Variants in GRID1 observed in about 807,000 individuals in gnomAD.
The protein encoded by GRID1 is glutamate ionotropic receptor delta type subunit 1, also known as glutamate receptor ionotropic, delta-1.
In GRID1, 28 loss-of-function variants were observed where a neutral mutation model predicts 98.0. The ratio of observed to expected loss-of-function variants is 0.29; its 90% CI spans 0.21 to 0.39. The LOEUF is 0.39. GRID1 is among the 10% of genes least tolerant of loss of function. The probability of loss-of-function intolerance (pLI) is 1.00; values close to 1 mark genes in which losing one functional copy is unlikely to be tolerated. For missense variants in GRID1, 1,111 were observed against 1,340.5 expected, an observed-to-expected ratio of 0.83 and a Z score of 2.67; for synonymous variants, 553 against 538.5, an observed-to-expected ratio of 1.03 and a Z score of -0.37.
intron 4 of GRID1, among the ~76,000 whole-genome samples, chr10:86,028,690 G>A (rs765115788): frequency 6.6e-6 from 1 of 152,080 alleles, no homozygotes; most frequent in Non-Finnish European, 1.5e-5. Context: ...CAGTGCCCAG[G>A]GCACTGGAGT....
intron 4 of GRID1, among the ~76,000 whole-genome samples, chr10:85,922,036 G>C (rs1841712365): frequency 6.6e-6 from 1 of 152,172 alleles, no homozygotes; most frequent in African/African-American, 2.4e-5. Context: ...AGGTCCCTTA[G>C]CCAGTATTCA....
At chr10:85,994,377 A>G (rs1292169480) in intron 4 of GRID1, among the ~76,000 whole-genome samples, 1 of 152,220 alleles carries the variant, frequency 6.6e-6, no homozygotes, top group East Asian at 1.9e-4. Context: ...CATCAGGCCA[A>G]CTTGAGATTA....
In GRID1 at chr10:85,914,138, C is replaced by T. The variant is rs115485982; in HGVS notation, c.780+2048G>A. Among the ~76,000 whole-genome samples, 217 of 152,282 alleles carry T rather than the reference C, an allele frequency of 1.4e-3. 1 individual carries two copies. Among genetic ancestry groups the T allele is most frequent in the African/African-American group, 5.2e-3 (215 of 41,558 alleles). ...CCAGTATGGAATGCCCTAGGGGCAC[C>T]GCACACTGGTTAGTCTGAAGTTAAC... On this transcript the variant is annotated intron_variant, in intron 5 of 15. Coordinates refer to ENST00000327946, the MANE Select transcript of GRID1 (RefSeq NM_017551.3).
chr10:86,211,455 C>G (rs1156879797), intron 2 of GRID1, among the ~76,000 whole-genome samples: 1 of 152,170 alleles, frequency 6.6e-6, no homozygotes, highest in East Asian at 1.9e-4. Flanking sequence ...AGGGTCCCCA[C>G]AAAAGAAAGG....
intron 8 of GRID1, among the ~76,000 whole-genome samples, chr10:85,752,244 A>T (rs1451985828): frequency 6.6e-6 from 1 of 152,164 alleles, no homozygotes; most frequent in Non-Finnish European, 1.5e-5. Context: ...GACACACTCA[A>T]ACTGGAGAAA....
chr10:85,704,630 C>T (rs1410422174), intron 12 of GRID1, among the ~76,000 whole-genome samples: 1 of 152,190 alleles, frequency 6.6e-6, no homozygotes, highest in Admixed American at 6.5e-5. Flanking sequence ...TAATAGACAT[C>T]TACAGAACTC....
chr10:85,948,528 GT>G (rs1194153787), intron 4 of GRID1, among the ~76,000 whole-genome samples: 1 of 152,150 alleles, frequency 6.6e-6, no homozygotes. Context: ...GATAATTTTT[GT>G]GTAGTAAGCC....
chr10:86,134,240 T>C (rs1844881097), intron 4 of GRID1, among the ~76,000 whole-genome samples: 1 of 152,252 alleles, frequency 6.6e-6, no homozygotes, highest in African/African-American at 2.4e-5. Flanking sequence ...GAGGAGGCAC[T>C]GCCTCTGAAT....
intron 4 of GRID1, among the ~76,000 whole-genome samples, chr10:85,936,444 A>G (rs1329698056): frequency 6.6e-6 from 1 of 152,164 alleles, no homozygotes; most frequent in African/African-American, 2.4e-5. Flanking sequence ...AAGCAAAGAC[A>G]CTATCCATTA....
intron 4 of GRID1, among the ~76,000 whole-genome samples, chr10:86,090,712 G>T (rs112959750): frequency 6.6e-6 from 1 of 152,300 alleles, no homozygotes; most frequent in Non-Finnish European, 1.5e-5. Flanking sequence ...TTTAGCTCCA[G>T]ATTGACTCCA....
intron 4 of GRID1, among the ~76,000 whole-genome samples, chr10:86,100,275 G>A (rs949589791): frequency 2.6e-5 from 4 of 152,068 alleles, no homozygotes; most frequent in Admixed American, 6.5e-5. Flanking sequence ...TCCAATTACC[G>A]AGCACTTCTT....
At chr10:85,991,723 G>A (rs904233561) in intron 4 of GRID1, among the ~76,000 whole-genome samples, 1 of 152,130 alleles carries the variant, frequency 6.6e-6, no homozygotes, top group Admixed American at 6.5e-5. Context: ...ATAGGAAGAT[G>A]GTTAGCCCTG....
intron 4 of GRID1, among the ~76,000 whole-genome samples, chr10:86,010,923 A>C (rs1319590645): frequency 2.6e-5 from 4 of 152,164 alleles, no homozygotes; most frequent in Non-Finnish European, 4.4e-5. Flanking sequence ...GCGGCAGATG[A>C]ATCATGAAGG....
At chr10:85,780,420 C>A (rs965906086) in intron 8 of GRID1, among the ~76,000 whole-genome samples, 20 of 152,174 alleles carry the variant, frequency 1.3e-4, no homozygotes, top group African/African-American at 4.6e-4. Flanking sequence ...TCTGGTGTTA[C>A]AGAGAGCCCT....
chr10:86,174,256 A>T (rs899395250), intron 3 of GRID1, among the ~76,000 whole-genome samples: 14 of 152,108 alleles, frequency 9.2e-5, no homozygotes, highest in African/African-American at 3.4e-4. Flanking sequence ...ACAAGGCTAC[A>T]GTCACGAAAA....
At chr10:86,216,771 A>G (rs903403695) in intron 2 of GRID1, among the ~76,000 whole-genome samples, 1 of 152,188 alleles carries the variant, frequency 6.6e-6, no homozygotes, top group African/African-American at 2.4e-5. Flanking sequence ...ACTATGAAGC[A>G]CAGCTGGCTC....
At chr10:86,219,145 T>C (rs1465530754) in intron 2 of GRID1, among the ~76,000 whole-genome samples, 2 of 152,184 alleles carry the variant, frequency 1.3e-5, no homozygotes, top group Non-Finnish European at 2.9e-5. Flanking sequence ...TCTGTGCCGC[T>C]CCCTGGCCTG....
rs551409480 is a variant in GRID1 at position 86,263,264 on chromosome 10, G to A, written c.236-56616C>T. On this transcript the variant is annotated intron_variant, in intron 2 of 15. Transcript: ENST00000327946. ...ATTTGGTGGTTAGAGTGTGTGCCTG[G>A]CGGAGAAGCTCCCGCATTCAATTCC... is the stretch of plus-strand genomic sequence containing the variant. 2.0e-5 allele frequency among the ~76,000 whole-genome samples: 3 copies of A among 152,236 alleles called. No homozygotes were observed. In the East Asian group the frequency reaches 5.8e-4, roughly 29 times the overall value.
At chr10:85,765,973 C>T (rs754298345) in intron 8 of GRID1, among the ~76,000 whole-genome samples, 11 of 152,294 alleles carry the variant, frequency 7.2e-5, no homozygotes, top group Admixed American at 1.3e-4. Flanking sequence ...CAGAGGGGGA[C>T]GATTTTAACT....
Sources: allele counts gnomAD v4.1 joint callset (sites outside exome capture counted in the v4.1 genomes callset), GRCh38; gene constraint gnomAD v4.1.1; transcripts MANE v1.5; gene names NCBI Gene and HGNC (gene_info 2026-07-23, HGNC 2026-07-21).